C2CD3: variants seen among roughly 807,000 people sequenced by gnomAD.
C2CD3 encodes the protein C2 domain-containing protein 3.
A neutral mutation model predicts 234.0 loss-of-function variants in C2CD3; 148 were observed. The ratio of observed to expected loss-of-function variants is 0.63; its 90% CI spans 0.55 to 0.72. The LOEUF is 0.72. Ranked by LOEUF, C2CD3 falls within the 30% of genes least tolerant of loss-of-function variation. C2CD3 has a pLI of 0.00. For synonymous variants in C2CD3, 1,000 were observed against 1,035.4 expected (o/e 0.97, Z 0.66); for missense variants, 2,577 against 2,811.5 (o/e 0.92, Z 1.89).
intron 23 of C2CD3, among the ~76,000 whole-genome samples, chr11:74,075,015 T>C (rs987545948): frequency 5.3e-5 from 8 of 152,098 alleles, no homozygotes; most frequent in Admixed American, 6.6e-5. Flanking sequence ...GCCCAGGAGG[T>C]TGAGGATGCA....
chr11:74,024,936 C>A (rs898545733), intron 32 of C2CD3, among the ~76,000 whole-genome samples: 2 of 152,116 alleles, frequency 1.3e-5, no homozygotes, highest in African/African-American at 4.8e-5. Flanking sequence ...GACTGGTCAT[C>A]CGAACCAGGA....
chr11:74,144,328 C>T (rs1565342288), intron 3 of C2CD3, among the ~76,000 whole-genome samples: 1 of 152,106 alleles, frequency 6.6e-6, no homozygotes, highest in African/African-American at 2.4e-5. Context: ...CTGCTGTAAC[C>T]CTCAGAGCAG....
chr11:74,171,002 C>T lies in C2CD3; in HGVS notation c.-210G>A, dbSNP rs977731425. The T allele has an allele frequency of 8.2e-7, 1 of 1,218,252 alleles. No individual in the cohort carries two copies. The highest frequency in any genetic ancestry group is 1.5e-5 in the African/African-American group (1 of 66,260). 75.5% of individuals were successfully genotyped at this position (1,218,252 alleles called of 1,614,324 possible). A position where few individuals can be genotyped will look rare whatever the true frequency, so the allele number is the denominator to read the frequency against. ...AAGACGCCTTCCCTCCAATACACTA[C>T]AATACCCAGGACGCTTTGCTACAAT... On this transcript the variant is annotated 5_prime_UTR_variant, in exon 1 of 33. Transcript: ENST00000334126.
At chr11:74,056,660 G>A (rs1387683962) in intron 25 of C2CD3, among the ~76,000 whole-genome samples, 1 of 152,166 alleles carries the variant, frequency 6.6e-6, no homozygotes, top group Non-Finnish European at 1.5e-5. Context: ...CAAATGCCCA[G>A]GGTCTTTCCA....
Position 74,048,619 on chromosome 11 carries a change from T to G in C2CD3, c.5362-281A>C, listed in dbSNP as rs78724227. The stretch of plus-strand genomic sequence containing the variant: ...CCTCCAGCTATTAATACACTGTAAA[T>G]GCCTGAATGGATATCATTTTACATT... On this transcript the variant is annotated intron_variant, in intron 27 of 32. Transcript: ENST00000334126. 0.024 allele frequency among the ~76,000 whole-genome samples: 3,710 copies of G among 152,318 alleles called. 145 individuals carry two copies. Among genetic ancestry groups the G allele is most frequent in the African/African-American group, 0.083 (3,458 of 41,548 alleles).
intron 7 of C2CD3, 91 bp from the exon 8 acceptor site, chr11:74,123,226 T>C: frequency 2.2e-6 from 2 of 889,478 alleles, no homozygotes; most frequent in South Asian, 1.6e-5. Context: ...AGGTTCTAAA[T>C]GTGGAAGGAG....
rs1326105726 is a variant in C2CD3, at chr11:74,033,944, C to T, written c.6216G>A (p.Arg2072=). The change falls in exon 31 of 33, where the codon AGG becomes AGA. Residue 2072 remains arginine (R), a synonymous_variant. Transcript: ENST00000334126. The part of the protein sequence containing the change: ...EDYEEDIIEP[R]TLNEITTVTD... ...TCACCGTGGTGATCTCATTTAAGGT[C>T]CTGGGCTCAATGATGTCTTCTTCAT... The T allele has an allele frequency of 2.6e-6, 4 of 1,536,344 alleles. No individual in the cohort carries two copies. In the East Asian group the frequency reaches 9.8e-5, roughly 38 times the overall value.
At chr11:74,016,730 T>G (rs1459344736) in intron 32 of C2CD3, 1 of 152,326 alleles carries the variant, frequency 6.6e-6, no homozygotes, top group Non-Finnish European at 1.5e-5. Flanking sequence ...GAGGCGAAAT[T>G]GGCCAGAGCA....
intron 21 of C2CD3, 58 bp from the exon 22 acceptor site, chr11:74,085,028 T>C (rs1955577844): frequency 2.1e-6 from 2 of 935,280 alleles, no homozygotes; most frequent in African/African-American, 3.2e-5. Flanking sequence ...AAGGGGCTAG[T>C]TTACAGTATA....
intron 32 of C2CD3, among the ~76,000 whole-genome samples, chr11:74,014,310 T>C (rs1477348137): frequency 6.6e-6 from 1 of 152,102 alleles, no homozygotes; most frequent in East Asian, 1.9e-4. Flanking sequence ...TGAAAGGAGA[T>C]GGGAGCAGCC....
intron 1 of C2CD3, among the ~76,000 whole-genome samples, 197 bp from the exon 2 acceptor site, chr11:74,168,810 A>G (rs939503854): frequency 6.6e-6 from 1 of 152,228 alleles, no homozygotes; most frequent in Admixed American, 6.5e-5. Context: ...CGAATAATCT[A>G]TCTGGTCATG....
rs377725745 is a variant in C2CD3, at chr11:74,118,271, T to C, written c.1477A>G (p.Ser493Gly). ...LARSSKVLES[S>G]DHKLKKRSAG... Reference sequence around the variant, plus strand: ...GACCTCTTCTTCAGCTTATGATCACTTGACTCCAGAACCTTAGATGATCTG... The same window carrying C: ...GACCTCTTCTTCAGCTTATGATCACCTGACTCCAGAACCTTAGATGATCTG... Residue 493 changes from serine (S) to glycine (G), a missense_variant, in exon 9 of 33, where the codon AGT (serine) becomes GGT (glycine). By Grantham distance (56) the Ser-to-Gly change is moderately conservative. Coordinates refer to ENST00000334126, the MANE Select transcript of C2CD3 (RefSeq NM_001286577.2). 3 of 1,613,808 alleles carry C rather than the reference T, an allele frequency of 1.9e-6. No homozygotes were observed. The African/African-American group carries it at 4.0e-5, about 22-fold the overall frequency.
chr11:74,143,958 T>G (rs1854983749), intron 3 of C2CD3, among the ~76,000 whole-genome samples: 1 of 152,170 alleles, frequency 6.6e-6, no homozygotes, highest in Non-Finnish European at 1.5e-5. Flanking sequence ...TTTGGTAGTT[T>G]ACAGTTTTTA....
Position 74,170,918 on chromosome 11 carries a change from C to T in C2CD3, c.-126G>A. On this transcript the variant is annotated 5_prime_UTR_variant, in exon 1 of 33. Coordinates refer to ENST00000334126, the MANE Select transcript of C2CD3 (RefSeq NM_001286577.2). ...CGGCGCCGCTGGGCAGCCTGGGAGG[C>T]AGGAAAAAGCGACTCTTCCTCTAAC... The T allele has an allele frequency of 7.0e-7, 1 of 1,437,452 alleles. No homozygotes were observed. The highest frequency in any genetic ancestry group is 1.2e-5 in the South Asian group (1 of 81,972). 89.0% of individuals were successfully genotyped at this position (1,437,452 alleles called of 1,614,324 possible).
Position 74,085,777 on chromosome 11 carries a change from G to A in C2CD3, c.3751C>T (p.His1251Tyr), listed in dbSNP as rs774062015. ...FLPQGEQRRT[H>Y]PVACSFCPEF... ...GGGCAGAAAGAACAGGCCACAGGGT[G>A]GGTTCGGCGCTGTTCTCCCTGGGGC... is the stretch of plus-strand genomic sequence containing the variant. Residue 1251 changes from histidine to tyrosine, a missense_variant, in exon 21 of 33, where the codon CAC (histidine) becomes TAC (tyrosine). Physicochemically the swap from His to Tyr is moderately conservative, Grantham distance 83. Coordinates refer to ENST00000334126, the MANE Select transcript of C2CD3 (RefSeq NM_001286577.2). 5 of 1,614,164 alleles carry A rather than the reference G, an allele frequency of 3.1e-6. No individual in the cohort carries two copies. The highest frequency in any genetic ancestry group is 3.3e-5 in the Admixed American group (2 of 60,022).
chr11:74,169,237 T>G (rs1368167372), intron 1 of C2CD3, among the ~76,000 whole-genome samples: 1 of 152,230 alleles, frequency 6.6e-6, no homozygotes, highest in African/African-American at 2.4e-5. Context: ...ATTCTGCCAC[T>G]ATTTTTAACA....
At chr11:74,041,804 T>G (rs554472308) in intron 29 of C2CD3, among the ~76,000 whole-genome samples, 2 of 152,292 alleles carry the variant, frequency 1.3e-5, no homozygotes, top group African/African-American at 4.8e-5. Flanking sequence ...AATCTGAAGC[T>G]CCTACATTTA....
intron 32 of C2CD3, among the ~76,000 whole-genome samples, chr11:74,015,015 A>T (rs552537139): frequency 6.6e-6 from 1 of 152,330 alleles, no homozygotes; most frequent in South Asian, 2.1e-4. Flanking sequence ...GCTAGAAGGG[A>T]AGAAGGAAAC....
At chr11:74,067,402 A>C (rs1350962951) in intron 24 of C2CD3, among the ~76,000 whole-genome samples, 1 of 152,194 alleles carries the variant, frequency 6.6e-6, no homozygotes, top group African/African-American at 2.4e-5. Flanking sequence ...AAAGCATTAA[A>C]GATATAGAGA....
Sources: gnomAD v4.1 joint callset for allele counts (sites outside exome capture counted in the v4.1 genomes callset) on GRCh38, gnomAD v4.1.1 for gene constraint, MANE v1.5 for transcripts, NCBI Gene and HGNC (gene_info 2026-07-23, HGNC 2026-07-21) for gene names.